CRPPA: variants seen among roughly 807,000 people sequenced by gnomAD.
CRPPA encodes CDP-L-ribitol pyrophosphorylase A.
Under a neutral mutation model 52.0 loss-of-function variants are expected in CRPPA, and 43 were observed. That is an observed-to-expected ratio of 0.83 (90% CI 0.65 to 1.07). CRPPA has a LOEUF of 1.07. Among genes scored for constraint, CRPPA ranks in the 50% least tolerant of loss-of-function variants. The probability of loss-of-function intolerance (pLI) is 0.00; values close to 1 mark genes in which losing one functional copy is unlikely to be tolerated. For synonymous variants in CRPPA, 250 were observed against 203.5 expected, an observed-to-expected ratio of 1.23 and a Z score of -1.94; for missense variants, 629 against 551.7, an observed-to-expected ratio of 1.14 and a Z score of -1.40.
chr7:16,300,610 T>C (rs1003180775), intron 5 of CRPPA, among the ~76,000 whole-genome samples: 1 of 151,164 alleles, frequency 6.6e-6, no homozygotes, highest in African/African-American at 2.4e-5. Flanking sequence ...GGAAGGGGAG[T>C]GAGGGATGGG....
chr7:16,299,187 T>A (rs569284426), intron 5 of CRPPA, among the ~76,000 whole-genome samples: 49 of 152,260 alleles, frequency 3.2e-4, no homozygotes, highest in African/African-American at 1.1e-3. Context: ...TATTACACTT[T>A]GGAATTTTTT....
intron 9 of CRPPA, among the ~76,000 whole-genome samples, chr7:16,093,752 T>A (rs1232313373): frequency 6.6e-6 from 1 of 152,226 alleles, no homozygotes; most frequent in East Asian, 1.9e-4. Flanking sequence ...TTCATAAACA[T>A]ATAAATAAAT....
chr7:16,278,099 G>T, intron 6 of CRPPA, 30 bp downstream of exon 6: 1 of 1,199,386 alleles, frequency 8.3e-7, no homozygotes, highest in Non-Finnish European at 1.2e-6. Flanking sequence ...GGCAATCAAA[G>T]TTTATCAAAC....
At chr7:16,092,045 C>T (rs1165065191) in intron 9 of CRPPA, among the ~76,000 whole-genome samples, 1 of 152,160 alleles carries the variant, frequency 6.6e-6, no homozygotes, top group African/African-American at 2.4e-5. Context: ...ATTTCAAATG[C>T]TAACAGAAAG....
chr7:16,189,355 C>T (rs1781563824), intron 9 of CRPPA, among the ~76,000 whole-genome samples: 1 of 152,160 alleles, frequency 6.6e-6, no homozygotes, highest in African/African-American at 2.4e-5. Flanking sequence ...ATTTGATATT[C>T]ACAGAGCTAA....
At chr7:16,261,216 T>C (rs1289916385) in intron 6 of CRPPA, among the ~76,000 whole-genome samples, 1 of 152,076 alleles carries the variant, frequency 6.6e-6, no homozygotes, top group Admixed American at 6.6e-5. Flanking sequence ...AAACCAAAAG[T>C]GTTGCTAAAT....
At chr7:16,322,667 C>T (rs1785287538) in intron 3 of CRPPA, among the ~76,000 whole-genome samples, 1 of 152,094 alleles carries the variant, frequency 6.6e-6, no homozygotes, top group African/African-American at 2.4e-5. Context: ...AAAATTTCTA[C>T]AGACCAGTGA....
At chr7:16,251,462 A>G (rs570651905) in intron 8 of CRPPA, among the ~76,000 whole-genome samples, 120 of 152,340 alleles carry the variant, frequency 7.9e-4, no homozygotes, top group African/African-American at 2.8e-3. Flanking sequence ...TCTAAAATTG[A>G]CCACATAATT....
intron 4 of CRPPA, among the ~76,000 whole-genome samples, chr7:16,307,359 C>A (rs1784933006): frequency 1.3e-5 from 2 of 152,094 alleles, no homozygotes; most frequent in South Asian, 4.1e-4. Context: ...GTGCCATTAT[C>A]TTGTTTGCAA....
intron 9 of CRPPA, among the ~76,000 whole-genome samples, chr7:16,093,714 T>C (rs890596118): frequency 2.0e-5 from 3 of 152,196 alleles, no homozygotes; most frequent in Non-Finnish European, 4.4e-5. Context: ...GATTGATTTA[T>C]ATGAGAGATT....
chr7:16,197,847 C>T (rs71540739), intron 9 of CRPPA, among the ~76,000 whole-genome samples: 33,483 of 149,822 alleles, frequency 0.22, 4,359 homozygotes, highest in South Asian at 0.44. Context: ...TAATCTATGA[C>T]CTTACCCCCA....
chr7:16,106,522 T>C (rs1782155213), intron 9 of CRPPA, among the ~76,000 whole-genome samples: 1 of 152,108 alleles, frequency 6.6e-6, no homozygotes. Context: ...CACCTGACAT[T>C]TGAGCAAAAG....
chr7:16,137,302 A>G (rs2128374495), intron 9 of CRPPA, among the ~76,000 whole-genome samples: 1 of 152,288 alleles, frequency 6.6e-6, no homozygotes, highest in South Asian at 2.1e-4. Context: ...CCAGTGCTTG[A>G]CCTTGAACTT....
At chr7:16,248,928 G>C (rs1450848561) in intron 8 of CRPPA, among the ~76,000 whole-genome samples, 1 of 152,202 alleles carries the variant, frequency 6.6e-6, no homozygotes, top group Non-Finnish European at 1.5e-5. Flanking sequence ...GTTTGGCTCA[G>C]TGGGACCCAT....
intron 9 of CRPPA, among the ~76,000 whole-genome samples, chr7:16,196,358 T>C (rs1328833011): frequency 6.6e-6 from 1 of 152,146 alleles, no homozygotes; most frequent in East Asian, 1.9e-4. Flanking sequence ...CAAAAGTGCC[T>C]GGTGCACACC....
At chr7:16,408,230 A>G (rs544384494) in intron 1 of CRPPA, among the ~76,000 whole-genome samples, 28 of 152,354 alleles carry the variant, frequency 1.8e-4, no homozygotes, top group African/African-American at 6.7e-4. Flanking sequence ...ATTAAACACA[A>G]TGAAGAAGTC....
At chr7:16,408,064 T>C (rs897753156) in intron 1 of CRPPA, among the ~76,000 whole-genome samples, 2 of 149,546 alleles carry the variant, frequency 1.3e-5, no homozygotes, top group African/African-American at 5.0e-5. Flanking sequence ...GCCAAGATCA[T>C]GCCACTGTAC....
At chr7:16,193,508 T>C (rs1041291472) in intron 9 of CRPPA, among the ~76,000 whole-genome samples, 6 of 152,122 alleles carry the variant, frequency 3.9e-5, no homozygotes, top group African/African-American at 2.4e-5. Context: ...TTTACATTAG[T>C]GATACACTCT....
At chr7:16,130,420 C>A (rs1782659064) in intron 9 of CRPPA, among the ~76,000 whole-genome samples, 1 of 151,848 alleles carries the variant, frequency 6.6e-6, no homozygotes, top group Non-Finnish European at 1.5e-5. Flanking sequence ...AAGAGAATAA[C>A]CCAGCAGACT....
Sources: gnomAD v4.1 joint callset for allele counts (sites outside exome capture counted in the v4.1 genomes callset) on GRCh38, gnomAD v4.1.1 for gene constraint, MANE v1.5 for transcripts, NCBI Gene and HGNC (gene_info 2026-07-23, HGNC 2026-07-21) for gene names.